Variants in LPP observed in about 807,000 individuals in gnomAD.
LPP encodes lipoma-preferred partner.
LPP carries 38 observed loss-of-function variants against 60.4 expected under a neutral mutation model. The ratio of observed to expected loss-of-function variants is 0.63; its 90% CI spans 0.49 to 0.83. The LOEUF (loss-of-function observed/expected upper bound fraction) is 0.83. Among genes scored for constraint, LPP ranks in the 40% least tolerant of loss-of-function variants. The pLI, the probability that LPP is intolerant of heterozygous loss-of-function variation, is 0.00. For missense variants in LPP, 902 were observed against 783.6 expected (o/e 1.15, Z -1.80); for synonymous variants, 328 against 290.8 (o/e 1.13, Z -1.30).
At chr3:188,301,487 GT>G (rs1749847218) in intron 2 of LPP, among the ~76,000 whole-genome samples, 1 of 152,112 alleles carries the variant, frequency 6.6e-6, no homozygotes, top group Admixed American at 6.5e-5. Flanking sequence ...TTTAAGGAAT[GT>G]TTTGCTAAGA....
intron 2 of LPP, chr3:188,247,043 C>T: frequency 4.6e-6 from 1 of 216,432 alleles, no homozygotes; most frequent in Non-Finnish European, 7.9e-6. Context: ...AAAAGCTTGA[C>T]ATGTTTGTGT....
intron 2 of LPP, among the ~76,000 whole-genome samples, chr3:188,319,265 A>G (rs372099990): frequency 6.6e-6 from 1 of 152,160 alleles, no homozygotes; most frequent in East Asian, 1.9e-4. Context: ...GAAACATCCA[A>G]CGGTGGTTTG....
intron 2 of LPP, among the ~76,000 whole-genome samples, chr3:188,261,356 A>G (rs1733556848): frequency 6.8e-6 from 1 of 147,112 alleles, no homozygotes; most frequent in Non-Finnish European, 1.5e-5. Context: ...TTCTCTCTAC[A>G]CAGACACACA....
chr3:188,615,520 A>G (rs1180124372), intron 7 of LPP, among the ~76,000 whole-genome samples: 2 of 152,220 alleles, frequency 1.3e-5, no homozygotes, highest in Non-Finnish European at 2.9e-5. Context: ...TTAGGAGAAT[A>G]TCCTATGTTT....
chr3:188,199,988 C>T (rs1290682935), intron 1 of LPP, among the ~76,000 whole-genome samples: 1 of 152,096 alleles, frequency 6.6e-6, no homozygotes, highest in Non-Finnish European at 1.5e-5. Context: ...AGCCTTGAGC[C>T]ACCGCGCCTG....
intron 5 of LPP, among the ~76,000 whole-genome samples, chr3:188,486,869 A>G (rs1356808719): frequency 6.6e-6 from 1 of 152,224 alleles, no homozygotes; most frequent in Admixed American, 6.5e-5. Context: ...AATAAAACCA[A>G]TATGAGTGAT....
chr3:188,720,813 G>T (rs903392096), intron 8 of LPP, among the ~76,000 whole-genome samples: 1 of 152,072 alleles, frequency 6.6e-6, no homozygotes, highest in African/African-American at 2.4e-5. Context: ...CCTTGAACTT[G>T]GCTCTACTCC....
chr3:188,746,487 G>A (rs1243189131), intron 8 of LPP: 1 of 484,782 alleles, frequency 2.1e-6, no homozygotes, highest in Non-Finnish European at 4.1e-6. Flanking sequence ...GAACTTAACA[G>A]AATGCTGATA....
chr3:188,543,290 T>A (rs1244799949), intron 6 of LPP, among the ~76,000 whole-genome samples: 1 of 152,170 alleles, frequency 6.6e-6, no homozygotes, highest in African/African-American at 2.4e-5. Context: ...TCCCTATTAG[T>A]GCACAGTAAG....
intron 5 of LPP, among the ~76,000 whole-genome samples, chr3:188,508,729 A>G (rs1168727311): frequency 1.3e-5 from 2 of 152,230 alleles, no homozygotes; most frequent in Admixed American, 6.5e-5. Flanking sequence ...GAACACAGAA[A>G]CTGTCGAATG....
At chr3:188,694,704 AAAAAAAT>A (rs1387943785) in intron 7 of LPP, among the ~76,000 whole-genome samples, 3 of 151,412 alleles carry the variant, frequency 2.0e-5, no homozygotes, top group Non-Finnish European at 2.9e-5. Context: ...TCTCAAAAAA[AAAAAAAT>A]AAATAAAAAC....
intron 5 of LPP, among the ~76,000 whole-genome samples, chr3:188,493,841 T>C (rs2114237): frequency 0.061 from 9,230 of 152,224 alleles, 932 homozygotes; most frequent in African/African-American, 0.21. Context: ...ATTTCTTCTC[T>C]ATTCTTCATA....
At position 188,217,967 on chromosome 3, in the gene LPP, C is replaced by G. The variant is rs1012112173; in HGVS notation, c.-189-7438C>G. On this transcript the variant is annotated intron_variant, in intron 1 of 11. Coordinates refer to ENST00000617246, the MANE Select transcript of LPP (RefSeq NM_001375462.1). This position sits in a 1 kb window ranked among gnomAD's most constrained non-coding sequence, Gnocchi z 4.0. Reference sequence around the variant, plus strand: ...ATTTTTGTAAAACATTCTTTCCCACCAAGAATGAGGAACGTTCAGAGTGAT... The same window carrying G: ...ATTTTTGTAAAACATTCTTTCCCACGAAGAATGAGGAACGTTCAGAGTGAT... Among the ~76,000 whole-genome samples the G allele has an allele frequency of 2.6e-5, 4 of 152,144 alleles. No individual in the cohort carries two copies. Among genetic ancestry groups the G allele is most frequent in the Non-Finnish European group, 5.9e-5 (4 of 68,028 alleles).
intron 3 of LPP, among the ~76,000 whole-genome samples, chr3:188,373,440 C>T (rs1373907847): frequency 6.6e-6 from 1 of 152,200 alleles, no homozygotes; most frequent in East Asian, 1.9e-4. Flanking sequence ...TTTTGATTTG[C>T]ATTTCTCTGA....
chr3:188,169,417 A>C (rs571923798), intron 1 of LPP, among the ~76,000 whole-genome samples: 6 of 152,206 alleles, frequency 3.9e-5, no homozygotes, highest in Non-Finnish European at 8.8e-5. Flanking sequence ...GAGGACACAG[A>C]CCAGTGTGAA....
intron 9 of LPP, among the ~76,000 whole-genome samples, chr3:188,819,577 A>G (rs1753413730): frequency 6.6e-6 from 1 of 152,180 alleles, no homozygotes; most frequent in South Asian, 2.1e-4. Context: ...ATGTATTCTA[A>G]CTACACAATT....
At chr3:188,731,507 T>TTTTTGTTTTTTTTG (rs1553817718) in intron 8 of LPP, among the ~76,000 whole-genome samples, 2 of 31,080 alleles carry the variant, frequency 6.4e-5, no homozygotes, top group African/African-American at 2.5e-4. Flanking sequence ...ATCTTTTATT[T>TTTTTGTTTTTTTTG]TTTTGTTTTT....
chr3:188,518,700 G>T (rs1818065684), intron 5 of LPP, among the ~76,000 whole-genome samples: 1 of 152,192 alleles, frequency 6.6e-6, no homozygotes, highest in South Asian at 2.1e-4. Flanking sequence ...TCTGAAGGTT[G>T]TTGAAGATTA....
intron 7 of LPP, among the ~76,000 whole-genome samples, chr3:188,612,207 G>C (rs765952059): frequency 2.6e-5 from 4 of 152,168 alleles, no homozygotes; most frequent in Non-Finnish European, 5.9e-5. Flanking sequence ...ATTATTAAGA[G>C]TGGTTAGAGG....
Sources: allele counts gnomAD v4.1 joint callset (sites outside exome capture counted in the v4.1 genomes callset), GRCh38; gene constraint gnomAD v4.1.1; non-coding constraint Gnocchi (gnomAD v3.1); transcripts MANE v1.5; gene names NCBI Gene and HGNC (gene_info 2026-07-23, HGNC 2026-07-21).